The following TENM3 variants were observed in gnomAD, a reference collection of about 807,000 sequenced individuals.
The protein encoded by TENM3 is teneurin-3.
A neutral mutation model predicts 255.1 loss-of-function variants in TENM3; 63 were observed. The ratio of observed to expected loss-of-function variants is 0.25; its 90% CI spans 0.20 to 0.30. TENM3 has a LOEUF of 0.30. Among genes scored for constraint, TENM3 ranks in the 10% least tolerant of loss-of-function variants. The pLI is 1.00. For synonymous variants in TENM3, 1,306 were observed against 1,322.3 expected (o/e 0.99, Z 0.27); for missense variants, 2,929 against 3,461.1 (o/e 0.85, Z 3.86).
the TENM3 span, among the ~76,000 whole-genome samples, chr4:181,951,255 A>T: frequency 1.3e-5 from 2 of 152,146 alleles, no homozygotes; most frequent in African/African-American, 2.4e-5. Flanking sequence ...CTCCAAGTTC[A>T]TTGAACAAAA....
rs73869829 is a variant in TENM3, at chr4:182,793,953, G to A, written c.7213+68G>A. On this transcript the variant is annotated intron_variant, in intron 26 of 27. Coordinates refer to ENST00000511685, the MANE Select transcript of TENM3 (RefSeq NM_001080477.4). This position sits in a 1 kb window ranked among gnomAD's most constrained non-coding sequence, Gnocchi z 5.7. ...CATTAGATTAATACACAAAATAACTGGAAATGCTTTTTTAAAAAACTTTAT... is the reference window on the plus strand; with the variant it reads ...CATTAGATTAATACACAAAATAACTAGAAATGCTTTTTTAAAAAACTTTAT... 5.7e-3 allele frequency: 7,984 copies of A among 1,394,232 alleles called. 355 individuals are homozygous for A. The African/African-American group carries it at 0.097, about 17-fold the overall frequency. 86.4% of individuals were successfully genotyped at this position (1,394,232 alleles called of 1,614,324 possible).
chr4:182,367,225 G>A (rs1035737270), intron 3 of TENM3, among the ~76,000 whole-genome samples: 1 of 152,190 alleles, frequency 6.6e-6, no homozygotes, highest in African/African-American at 2.4e-5. Flanking sequence ...ACCGCTCCAG[G>A]AAGTAGTGGA....
the TENM3 span, among the ~76,000 whole-genome samples, chr4:182,058,476 GT>G: frequency 6.6e-6 from 1 of 152,130 alleles, no homozygotes; most frequent in Non-Finnish European, 1.5e-5. Flanking sequence ...TAGGTTTGGT[GT>G]TTAGATTCTT....
At chr4:181,948,194 A>G in the TENM3 span, among the ~76,000 whole-genome samples, 1 of 152,176 alleles carries the variant, frequency 6.6e-6, no homozygotes, top group Non-Finnish European at 1.5e-5. Flanking sequence ...AAACACACTT[A>G]ACTCTTAAGG....
At chr4:182,355,209 T>C (rs1383270724) in intron 3 of TENM3, among the ~76,000 whole-genome samples, 1 of 152,096 alleles carries the variant, frequency 6.6e-6, no homozygotes, top group African/African-American at 2.4e-5. Context: ...AAATTCGAGA[T>C]TTAGACAGAA....
At chr4:182,257,933 T>C (rs753887597) in intron 1 of TENM3, among the ~76,000 whole-genome samples, 20 of 152,174 alleles carry the variant, frequency 1.3e-4, no homozygotes, top group Non-Finnish European at 2.5e-4. Context: ...ATAAATCTTA[T>C]TGCTAACTAT....
chr4:181,601,948 C>A, the TENM3 span, among the ~76,000 whole-genome samples: 26 of 152,024 alleles, frequency 1.7e-4, no homozygotes, highest in East Asian at 4.7e-3. Flanking sequence ...TTCTAGGTAT[C>A]CTCTTCTCTT....
At chr4:181,734,142 G>A in the TENM3 span, among the ~76,000 whole-genome samples, 1 of 152,106 alleles carries the variant, frequency 6.6e-6, no homozygotes, top group South Asian at 2.1e-4. Context: ...AATGTTTTTG[G>A]AAAGTGAACA....
At chr4:181,931,450 A>T in the TENM3 span, among the ~76,000 whole-genome samples, 1 of 152,322 alleles carries the variant, frequency 6.6e-6, no homozygotes, top group South Asian at 2.1e-4. Flanking sequence ...TAGGAATACA[A>T]CTTACAAGGG....
the TENM3 span, among the ~76,000 whole-genome samples, chr4:181,913,497 T>A: frequency 6.6e-6 from 1 of 152,158 alleles, no homozygotes; most frequent in South Asian, 2.1e-4. Flanking sequence ...TGCTGTGTCT[T>A]TTCCCTGTTG....
chr4:182,745,894 T>C (rs943233495), intron 19 of TENM3, among the ~76,000 whole-genome samples: 2 of 152,194 alleles, frequency 1.3e-5, no homozygotes, highest in East Asian at 3.9e-4. Context: ...TCCTGGTGTT[T>C]GGCAGTGATA....
At chr4:181,800,321 C>G in the TENM3 span, among the ~76,000 whole-genome samples, 1 of 152,102 alleles carries the variant, frequency 6.6e-6, no homozygotes, top group African/African-American at 2.4e-5. Context: ...ACACACTGGA[C>G]ATATGGGAAT....
chr4:182,478,687 C>T lies in TENM3; in HGVS notation c.512-122237C>T, dbSNP rs546331677. ...CTTTTGTACTATTGTTCTAGAATATCAACCCTGGAAAGTTTATCTAGATGT... is the reference window on the plus strand; with the variant it reads ...CTTTTGTACTATTGTTCTAGAATATTAACCCTGGAAAGTTTATCTAGATGT... On this transcript the variant is annotated intron_variant, in intron 3 of 27. Coordinates refer to ENST00000511685, the MANE Select transcript of TENM3 (RefSeq NM_001080477.4). Among the ~76,000 whole-genome samples the T allele has an allele frequency of 6.6e-5, 10 of 151,896 alleles. No individual in the cohort carries two copies. The South Asian group carries it at 2.1e-3, about 32-fold the overall frequency.
chr4:182,792,615 C>G lies in TENM3; in HGVS notation c.5943C>G (p.Asn1981Lys), dbSNP rs760477721. 6.2e-7 allele frequency: 1 copy of G among 1,613,808 alleles called. No homozygotes were observed. Among genetic ancestry groups the G allele is most frequent in the Non-Finnish European group, 8.5e-7 (1 of 1,179,882 alleles). The change falls in exon 26 of 28, where the codon AAC becomes AAG. Residue 1981 changes from asparagine (N) to lysine (K), a missense_variant. Coordinates refer to ENST00000511685, the MANE Select transcript of TENM3 (RefSeq NM_001080477.4). The surrounding 1 kb of genome is among the most constrained non-coding windows in gnomAD (Gnocchi z 6.3). Reference protein sequence around the residue: ...DETAGVLKTVNLQSDGFICTI... With the variant: ...DETAGVLKTVKLQSDGFICTI... ...CAGCAGGAGTCCTAAAGACAGTAAA[C>G]CTCCAGAGTGATGGTTTTATTTGCA...
At chr4:182,520,059 G>T (rs1358699182) in intron 3 of TENM3, among the ~76,000 whole-genome samples, 1 of 152,056 alleles carries the variant, frequency 6.6e-6, no homozygotes, top group East Asian at 1.9e-4. Flanking sequence ...TTATTAATAG[G>T]TATGTATAGA....
intron 3 of TENM3, among the ~76,000 whole-genome samples, chr4:182,534,697 C>T (rs888615401): frequency 1.3e-5 from 2 of 152,120 alleles, no homozygotes; most frequent in African/African-American, 2.4e-5. Flanking sequence ...AGAAGATAAG[C>T]GATGGAGATA....
rs183371031 is a variant in TENM3, at chr4:182,350,722, T to A, written c.511+3793T>A. Among the ~76,000 whole-genome samples the A allele has an allele frequency of 4.3e-3, 651 of 152,356 alleles. 9 individuals carry two copies. The highest frequency in any genetic ancestry group is 0.015 in the African/African-American group (637 of 41,582). On this transcript the variant is annotated intron_variant, in intron 3 of 27. Transcript: ENST00000511685. ...TGTTTTTTGAGACAGTCTTGCTCTG[T>A]CGCCCAGGCTGGAGTGCAGTGGCGT...
intron 3 of TENM3, among the ~76,000 whole-genome samples, chr4:182,561,548 T>C (rs1743184431): frequency 6.6e-6 from 1 of 152,090 alleles, no homozygotes; most frequent in Non-Finnish European, 1.5e-5. Context: ...TTCTGTAGTT[T>C]TGTTTTTTCT....
At chr4:181,514,943 A>C in the TENM3 span, among the ~76,000 whole-genome samples, 2 of 152,194 alleles carry the variant, frequency 1.3e-5, no homozygotes, top group Non-Finnish European at 2.9e-5. Context: ...TCCCTATTTT[A>C]TATGTCAGGT....
Sources: allele counts gnomAD v4.1 joint callset (sites outside exome capture counted in the v4.1 genomes callset), GRCh38; gene constraint gnomAD v4.1.1; non-coding constraint Gnocchi (gnomAD v3.1); transcripts MANE v1.5; gene names NCBI Gene and HGNC (gene_info 2026-07-23, HGNC 2026-07-21).